The following ALG5 variants were observed in gnomAD, a reference collection of about 807,000 sequenced individuals.
The protein encoded by ALG5 is ALG5 dolichyl-phosphate beta-glucosyltransferase, also known as dolichyl-phosphate beta-glucosyltransferase.
A neutral mutation model predicts 51.8 loss-of-function variants in ALG5; 26 were observed. That is an observed-to-expected ratio of 0.50 (90% confidence interval 0.37 to 0.70). The LOEUF (loss-of-function observed/expected upper bound fraction) is 0.70, where lower values mean the gene tolerates loss of function less well. ALG5 is among the 30% of genes least tolerant of loss of function. ALG5 has a pLI of 0.00. For synonymous variants in ALG5, 141 were observed against 136.1 expected, an observed-to-expected ratio of 1.04 and a Z score of -0.25; for missense variants, 311 against 399.3, an observed-to-expected ratio of 0.78 and a Z score of 1.88.
intron 7 of ALG5, among the ~76,000 whole-genome samples, chr13:36,967,451 A>G (rs571135230): frequency 6.6e-6 from 1 of 152,158 alleles, no homozygotes; most frequent in Admixed American, 6.5e-5. Flanking sequence ...GGCACAGAAA[A>G]TAACAGGAAC....
chr13:36,966,394 C>A (rs1208013415), intron 7 of ALG5, among the ~76,000 whole-genome samples: 1 of 152,126 alleles, frequency 6.6e-6, no homozygotes, highest in Non-Finnish European at 1.5e-5. Context: ...CAGAATATTC[C>A]ATTATTCATA....
At chr13:36,961,190 A>G (rs921305889) in intron 8 of ALG5, among the ~76,000 whole-genome samples, 3 of 152,016 alleles carry the variant, frequency 2.0e-5, no homozygotes, top group South Asian at 4.1e-4. Flanking sequence ...CTGAGGTGGG[A>G]GGATCACGTG....
chr13:36,982,682 G>A (rs1180001033), intron 6 of ALG5, among the ~76,000 whole-genome samples: 6 of 152,190 alleles, frequency 3.9e-5, no homozygotes, highest in Admixed American at 6.5e-5. Flanking sequence ...AGTTTTCTGA[G>A]AGCAATGACT....
At chr13:36,980,493 C>T (rs373985285) in intron 6 of ALG5, among the ~76,000 whole-genome samples, 11 of 152,050 alleles carry the variant, frequency 7.2e-5, no homozygotes, top group African/African-American at 2.7e-4. Flanking sequence ...TCTCAAAGCG[C>T]TGGGATTACA....
Position 36,985,631 on chromosome 13 carries a change from C to G in ALG5, c.557G>C (p.Trp186Ser). ...LEKGLNDLQP[W>S]PNQMAIACGS... ...AAACTACATTCTTATACTCACAGGC[C>G]AAGGCTGTAGATCATTTAGCCCCTT... The change falls in exon 6 of 10, where the codon TGG becomes TCG. Residue 186 changes from tryptophan to serine, a missense_variant. Coordinates refer to ENST00000239891, the MANE Select transcript of ALG5 (RefSeq NM_013338.5). 1 of 1,611,438 alleles carries G rather than the reference C, an allele frequency of 6.2e-7. No individual in the cohort carries two copies. The highest frequency in any genetic ancestry group is 1.3e-5 in the African/African-American group (1 of 74,922).
At chr13:36,994,701 C>G (rs765871272) in intron 3 of ALG5, among the ~76,000 whole-genome samples, 1 of 151,810 alleles carries the variant, frequency 6.6e-6, no homozygotes, top group Non-Finnish European at 1.5e-5. Context: ...CAGACATACA[C>G]TGTCACTCAA....
chr13:36,969,573 G>A (rs555189632), intron 7 of ALG5, among the ~76,000 whole-genome samples: 2 of 151,226 alleles, frequency 1.3e-5, no homozygotes, highest in Non-Finnish European at 2.9e-5. Flanking sequence ...TTACTCTGTC[G>A]CCCAGGCTGG....
chr13:36,985,073 G>C (rs1215844251), intron 6 of ALG5, among the ~76,000 whole-genome samples: 2 of 151,462 alleles, frequency 1.3e-5, no homozygotes, highest in African/African-American at 4.8e-5. Context: ...TCCAGATTGG[G>C]AAGTATTTGG....
At chr13:36,997,366 A>G (rs2059055666) in intron 1 of ALG5, among the ~76,000 whole-genome samples, 1 of 149,470 alleles carries the variant, frequency 6.7e-6, no homozygotes, top group Non-Finnish European at 1.5e-5. Flanking sequence ...CCAGCTACTC[A>G]GGAGGCTGAG....
intron 7 of ALG5, among the ~76,000 whole-genome samples, chr13:36,970,041 T>C (rs994509331): frequency 1.3e-5 from 2 of 149,110 alleles, no homozygotes; most frequent in African/African-American, 2.4e-5. Context: ...TTTATATATA[T>C]ACTATTTTAT....
At chr13:36,957,341 G>A (rs1196909232) in intron 8 of ALG5, among the ~76,000 whole-genome samples, 1 of 151,500 alleles carries the variant, frequency 6.6e-6, no homozygotes, top group Non-Finnish European at 1.5e-5. Context: ...ACTCTCACTG[G>A]TTGGGCGGAG....
intron 7 of ALG5, among the ~76,000 whole-genome samples, chr13:36,970,615 A>G (rs953718313): frequency 2.1e-5 from 3 of 145,690 alleles, no homozygotes; most frequent in Non-Finnish European, 4.5e-5. Context: ...AACAAAAAAA[A>G]CAAACAAAAA....
chr13:36,990,326 C>A (rs1045979170), intron 4 of ALG5, among the ~76,000 whole-genome samples: 1 of 152,210 alleles, frequency 6.6e-6, no homozygotes, highest in African/African-American at 2.4e-5. Context: ...TTCCTTGTAA[C>A]CTTAGCCCAT....
At chr13:36,956,686 A>G (rs1924419) in intron 8 of ALG5, among the ~76,000 whole-genome samples, 138,080 of 152,198 alleles carry the variant, frequency 0.91, 62,802 homozygotes, top group East Asian at 1. Flanking sequence ...TTGTATGGGA[A>G]CTCTGTTTTC....
intron 1 of ALG5, among the ~76,000 whole-genome samples, chr13:36,997,337 G>T (rs2059055453): frequency 6.6e-6 from 1 of 151,898 alleles, no homozygotes. Context: ...ACCGGGAGTG[G>T]TGGTAGGCGC....
intron 8 of ALG5, among the ~76,000 whole-genome samples, chr13:36,958,093 C>T (rs919457386): frequency 2.6e-5 from 4 of 152,140 alleles, no homozygotes; most frequent in Non-Finnish European, 5.9e-5. Context: ...CTTTAAGCGA[C>T]AACCGTGAGG....
chr13:36,959,219 G>T (rs1924421), intron 8 of ALG5, among the ~76,000 whole-genome samples: 122,614 of 151,870 alleles, frequency 0.81, 50,216 homozygotes, highest in East Asian at 1. Flanking sequence ...GGGGAGATGG[G>T]GAGATGATGG....
chr13:36,965,207 G>A (rs191996308), intron 8 of ALG5, among the ~76,000 whole-genome samples: 166 of 151,966 alleles, frequency 1.1e-3, no homozygotes, highest in Non-Finnish European at 1.8e-3. Context: ...TCAAAAGATC[G>A]GTCTTAGGAA....
chr13:36,992,874 C>T (rs140624672), intron 4 of ALG5, among the ~76,000 whole-genome samples: 1 of 152,240 alleles, frequency 6.6e-6, no homozygotes, highest in African/African-American at 2.4e-5. Context: ...CTTTCTACTT[C>T]CTCCCAACCT....
Sources: gnomAD v4.1 joint callset for allele counts (sites outside exome capture counted in the v4.1 genomes callset) on GRCh38, gnomAD v4.1.1 for gene constraint, MANE v1.5 for transcripts, NCBI Gene and HGNC (gene_info 2026-07-23, HGNC 2026-07-21) for gene names.